Variants in FAM135B observed in about 807,000 individuals in gnomAD.
FAM135B encodes the protein family with sequence similarity 135 member B, also known as protein FAM135B.
A neutral mutation model predicts 127.7 loss-of-function variants in FAM135B; 43 were observed. The ratio of observed to expected loss-of-function variants is 0.34; its 90% confidence interval spans 0.26 to 0.43. The LOEUF (loss-of-function observed/expected upper bound fraction) is 0.43. FAM135B is among the 20% of genes least tolerant of loss of function. The pLI is 1.00. For synonymous variants in FAM135B, 670 were observed against 665.1 expected, an observed-to-expected ratio of 1.01 and a Z score of -0.11; for missense variants, 1,558 against 1,725.6, an observed-to-expected ratio of 0.90 and a Z score of 1.72.
At chr8:138,304,432 C>G (rs1047665085) in intron 3 of FAM135B, among the ~76,000 whole-genome samples, 1 of 152,212 alleles carries the variant, frequency 6.6e-6, no homozygotes, top group Non-Finnish European at 1.5e-5. Flanking sequence ...GAAGGGGCTA[C>G]GTGCTGCATG....
At chr8:138,240,098 G>A (rs891878537) in intron 7 of FAM135B, among the ~76,000 whole-genome samples, 6 of 152,116 alleles carry the variant, frequency 3.9e-5, no homozygotes, top group Non-Finnish European at 7.4e-5. Flanking sequence ...GTATACATAT[G>A]TAACAAACCT....
At chr8:138,235,355 C>T (rs1159629879) in intron 7 of FAM135B, among the ~76,000 whole-genome samples, 1 of 152,150 alleles carries the variant, frequency 6.6e-6, no homozygotes, top group Non-Finnish European at 1.5e-5. Flanking sequence ...AGAGTTAATG[C>T]TTGATTAATG....
chr8:138,138,905 T>C, intron 18 of FAM135B, 81 bp downstream of exon 18: 1 of 907,032 alleles, frequency 1.1e-6, no homozygotes, highest in South Asian at 1.4e-5. Context: ...TGAATCAATG[T>C]AGCATTATAT....
chr8:138,488,651 T>C (rs2131693250), intron 1 of FAM135B, among the ~76,000 whole-genome samples: 1 of 151,930 alleles, frequency 6.6e-6, no homozygotes, highest in Non-Finnish European at 1.5e-5. Flanking sequence ...TTTTTGTGTG[T>C]GAGTGTTTTT....
chr8:138,491,396 T>G (rs1815194063), intron 1 of FAM135B, among the ~76,000 whole-genome samples: 1 of 152,168 alleles, frequency 6.6e-6, no homozygotes, highest in African/African-American at 2.4e-5. Context: ...CCAAGAAATG[T>G]TTCATAAGAA....
intron 2 of FAM135B, among the ~76,000 whole-genome samples, chr8:138,337,891 G>C (rs1237126839): frequency 6.6e-6 from 1 of 152,150 alleles, no homozygotes; most frequent in South Asian, 2.1e-4. Flanking sequence ...AAACAGCATG[G>C]TACTGGTACC....
chr8:138,398,470 T>C (rs1192785166), intron 1 of FAM135B, among the ~76,000 whole-genome samples: 3 of 152,216 alleles, frequency 2.0e-5, no homozygotes, highest in South Asian at 4.1e-4. Flanking sequence ...CAGGCACAGA[T>C]GCACACAGTG....
At chr8:138,440,836 A>G (rs1384773165) in intron 1 of FAM135B, 1 of 152,006 alleles carries the variant, frequency 6.6e-6, no homozygotes, top group Non-Finnish European at 1.5e-5. Context: ...CAAGAGGTAG[A>G]GCCAATTTCC....
chr8:138,390,601 T>C (rs1832512958), intron 1 of FAM135B, among the ~76,000 whole-genome samples: 1 of 152,060 alleles, frequency 6.6e-6, no homozygotes, highest in Non-Finnish European at 1.5e-5. Flanking sequence ...CAGTGCAGAG[T>C]AGGTACAAGA....
intron 3 of FAM135B, among the ~76,000 whole-genome samples, chr8:138,271,100 T>C (rs905226857): frequency 6.6e-6 from 1 of 152,288 alleles, no homozygotes; most frequent in African/African-American, 2.4e-5. Flanking sequence ...CAGGGCTTCT[T>C]GGATGATGTG....
intron 1 of FAM135B, among the ~76,000 whole-genome samples, chr8:138,368,350 A>G (rs1188062964): frequency 6.6e-6 from 1 of 152,154 alleles, no homozygotes; most frequent in African/African-American, 2.4e-5. Context: ...TCCTTGCTCT[A>G]CCGCTTTCCA....
intron 2 of FAM135B, among the ~76,000 whole-genome samples, chr8:138,349,016 AG>A (rs1211294470): frequency 6.6e-6 from 1 of 152,252 alleles, no homozygotes; most frequent in Non-Finnish European, 1.5e-5. Context: ...CAAAATGGGC[AG>A]GCAGGAGGTC....
chr8:138,270,761 C>T (rs1460146836), intron 3 of FAM135B, among the ~76,000 whole-genome samples: 2 of 152,260 alleles, frequency 1.3e-5, no homozygotes, highest in East Asian at 1.9e-4. Flanking sequence ...ATGGCCCAAA[C>T]ACCTCTTACA....
At chr8:138,197,214 C>T (rs1816719879) in intron 8 of FAM135B, among the ~76,000 whole-genome samples, 1 of 151,900 alleles carries the variant, frequency 6.6e-6, no homozygotes. Flanking sequence ...CCAGCATTTT[C>T]CTCTAGAAAG....
At chr8:138,336,405 T>C (rs1372894086) in intron 2 of FAM135B, among the ~76,000 whole-genome samples, 3 of 151,774 alleles carry the variant, frequency 2.0e-5, no homozygotes, top group African/African-American at 7.3e-5. Context: ...ATAGACGCAA[T>C]AAAAAATAAC....
intron 7 of FAM135B, among the ~76,000 whole-genome samples, chr8:138,199,524 A>G (rs1816938768): frequency 6.6e-6 from 1 of 152,150 alleles, no homozygotes; most frequent in Non-Finnish European, 1.5e-5. Context: ...TGGGGCAAGG[A>G]CCAGGTCTCT....
chr8:138,297,511 A>AT (rs1364528028), intron 3 of FAM135B, among the ~76,000 whole-genome samples: 1 of 152,232 alleles, frequency 6.6e-6, no homozygotes, highest in Non-Finnish European at 1.5e-5. Context: ...CATTCATTGC[A>AT]TTTTTTAAAA....
At chr8:138,244,625 A>G (rs1288788708) in intron 6 of FAM135B, among the ~76,000 whole-genome samples, 2 of 152,232 alleles carry the variant, frequency 1.3e-5, no homozygotes, top group South Asian at 4.1e-4. Context: ...TTTGTTTTCA[A>G]TTGCAAGTTG....
chr8:138,149,855 G>T (rs1817979047), intron 13 of FAM135B, among the ~76,000 whole-genome samples: 1 of 152,112 alleles, frequency 6.6e-6, no homozygotes, highest in Non-Finnish European at 1.5e-5. Flanking sequence ...CTTCTCTCAT[G>T]TGTCTGTCTC....
Sources: allele counts gnomAD v4.1 joint callset (sites outside exome capture counted in the v4.1 genomes callset), GRCh38; gene constraint gnomAD v4.1.1; transcripts MANE v1.5; gene names NCBI Gene and HGNC (gene_info 2026-07-23, HGNC 2026-07-21).